Variants in FOXP1 observed in about 807,000 individuals in gnomAD.
The protein encoded by FOXP1 is forkhead box protein P1.
In FOXP1, 15 loss-of-function variants were observed where a neutral mutation model predicts 98.2. That is an observed-to-expected ratio of 0.15 (90% CI 0.10 to 0.24). The LOEUF (loss-of-function observed/expected upper bound fraction) is 0.24, where lower values mean the gene tolerates loss of function less well. FOXP1 is among the 10% of genes least tolerant of loss of function. The pLI, the probability that FOXP1 is intolerant of heterozygous loss-of-function variation, is 1.00. For missense variants in FOXP1, 633 were observed against 848.5 expected, an observed-to-expected ratio of 0.75 and a Z score of 3.15; for synonymous variants, 371 against 314.5, an observed-to-expected ratio of 1.18 and a Z score of -1.90.
intron 5 of FOXP1, among the ~76,000 whole-genome samples, chr3:71,297,818 G>GTTTCACCAGC (rs1207210539): frequency 6.6e-6 from 1 of 151,708 alleles, no homozygotes; most frequent in Non-Finnish European, 1.5e-5. Flanking sequence ...GTTTCACCAG[G>GTTTCACCAGC]TTGGTCTCGA....
chr3:71,032,919 C>T (rs1467467178), intron 11 of FOXP1, among the ~76,000 whole-genome samples: 2 of 152,196 alleles, frequency 1.3e-5, no homozygotes, highest in East Asian at 1.9e-4. Flanking sequence ...TGGTTGGTTT[C>T]AATATCCATC....
chr3:71,558,038 C>T (rs982927238), intron 2 of FOXP1, among the ~76,000 whole-genome samples: 8 of 152,060 alleles, frequency 5.3e-5, no homozygotes, highest in Admixed American at 3.3e-4. Flanking sequence ...GCTGGTGACC[C>T]GCCCACCTAG....
intron 5 of FOXP1, among the ~76,000 whole-genome samples, chr3:71,266,851 C>T (rs533417267): frequency 1.3e-5 from 2 of 152,336 alleles, no homozygotes; most frequent in South Asian, 4.1e-4. Context: ...AGTTATTTCA[C>T]TTACGATAAT....
At chr3:71,275,508 A>G (rs2070792793) in intron 5 of FOXP1, among the ~76,000 whole-genome samples, 2 of 152,126 alleles carry the variant, frequency 1.3e-5, no homozygotes, top group Admixed American at 1.3e-4. Flanking sequence ...CATGCACCCT[A>G]CACCTGGGCT....
At chr3:71,354,777 G>A (rs1023693044) in intron 4 of FOXP1, among the ~76,000 whole-genome samples, 9 of 152,174 alleles carry the variant, frequency 5.9e-5, no homozygotes, top group Admixed American at 3.3e-4. Context: ...TGTTCCAGAC[G>A]TTGTGCAAAG....
At chr3:71,286,318 C>A (rs1431541469) in intron 5 of FOXP1, among the ~76,000 whole-genome samples, 1 of 149,390 alleles carries the variant, frequency 6.7e-6, no homozygotes, top group Non-Finnish European at 1.5e-5. Context: ...GCCACCCCCG[C>A]CCCGCCCGCC....
chr3:71,550,903 C>A (rs982903647), intron 2 of FOXP1, among the ~76,000 whole-genome samples: 5 of 152,230 alleles, frequency 3.3e-5, no homozygotes, highest in Non-Finnish European at 7.3e-5. Context: ...GCACTCTCTG[C>A]GGCTCCTCCT....
rs758942106 is a variant in FOXP1, at chr3:71,013,644, AACTACTTTAAAGT to A, written c.974+1892_974+1904del. ...TGACTTTCTTCACAGAATTGGAAAGAACTACTTTAAAGTTCATATGGAACCAAAAAAGAGCCCA... is the reference window on the plus strand; with the variant it reads ...TGACTTTCTTCACAGAATTGGAAAGATCATATGGAACCAAAAAAGAGCCCA... On this transcript the variant is annotated intron_variant, in intron 12 of 20. Transcript: ENST00000649528. 6.2e-3 allele frequency among the ~76,000 whole-genome samples: 946 copies of A among 152,332 alleles called. 10 individuals are homozygous for A. The highest frequency in any genetic ancestry group is 0.02 in the African/African-American group (824 of 41,564).
At chr3:71,049,918 A>G (rs1559815257) in intron 9 of FOXP1, among the ~76,000 whole-genome samples, 1 of 152,124 alleles carries the variant, frequency 6.6e-6, no homozygotes, top group African/African-American at 2.4e-5. Flanking sequence ...ATCCACTGGC[A>G]CCATGAATCC....
intron 5 of FOXP1, among the ~76,000 whole-genome samples, chr3:71,296,664 G>A (rs2073328108): frequency 6.6e-6 from 1 of 152,030 alleles, no homozygotes; most frequent in Admixed American, 6.6e-5. Context: ...TACTGAAGAT[G>A]ATGTATGATA....
intron 3 of FOXP1, among the ~76,000 whole-genome samples, chr3:71,407,813 T>C (rs1319959576): frequency 1.3e-5 from 2 of 152,162 alleles, no homozygotes; most frequent in African/African-American, 4.8e-5. Context: ...CTAGTGCACT[T>C]GGGTCCTGTT....
rs186020696 is a variant in FOXP1, at chr3:71,211,778, C to T, written c.-11-13386G>A. 7.5e-3 allele frequency among the ~76,000 whole-genome samples: 1,134 copies of T among 152,210 alleles called. 14 individuals are homozygous for T. Among genetic ancestry groups the T allele is most frequent in the African/African-American group, 0.024 (979 of 41,526 alleles). Reference sequence around the variant, plus strand: ...AAGGTTGTGGCATCTTAGTGGACACCGGAGCTAGTTTCCCAAGCCCCATGC... The same window carrying T: ...AAGGTTGTGGCATCTTAGTGGACACTGGAGCTAGTTTCCCAAGCCCCATGC... On this transcript the variant is annotated intron_variant, in intron 5 of 20. Coordinates refer to ENST00000649528, the MANE Select transcript of FOXP1 (RefSeq NM_001349338.3).
At chr3:71,057,982 C>T (rs2107214833) in intron 7 of FOXP1, among the ~76,000 whole-genome samples, 1 of 152,310 alleles carries the variant, frequency 6.6e-6, no homozygotes, top group South Asian at 2.1e-4. Flanking sequence ...TTCAAAATGA[C>T]TCTCTATCAT....
intron 4 of FOXP1, among the ~76,000 whole-genome samples, chr3:71,352,747 C>A (rs554525399): frequency 6.6e-6 from 1 of 152,254 alleles, no homozygotes; most frequent in South Asian, 2.1e-4. Flanking sequence ...GAATGTTTCT[C>A]TTAAAAAACT....
intron 3 of FOXP1, among the ~76,000 whole-genome samples, chr3:71,382,044 G>A (rs2108057792): frequency 6.6e-6 from 1 of 152,286 alleles, no homozygotes; most frequent in Middle Eastern, 3.4e-3. Flanking sequence ...GGCCTAGGCA[G>A]GCGAGTTTCT....
At chr3:71,409,169 T>A (rs2082550062) in intron 3 of FOXP1, among the ~76,000 whole-genome samples, 3 of 152,220 alleles carry the variant, frequency 2.0e-5, no homozygotes, top group Admixed American at 2.0e-4. Flanking sequence ...GGTCTCACTA[T>A]CTTTTTCTTT....
intron 6 of FOXP1, among the ~76,000 whole-genome samples, chr3:71,124,041 G>A (rs1041634740): frequency 1.3e-5 from 2 of 151,870 alleles, no homozygotes; most frequent in Non-Finnish European, 2.9e-5. Flanking sequence ...CGGTACCTGG[G>A]TGTCGGGATA....
chr3:70,976,252 C>T lies in FOXP1; in HGVS notation c.1530+689G>A, dbSNP rs2037497519. Among the ~76,000 whole-genome samples the T allele has an allele frequency of 2.0e-5, 3 of 151,990 alleles. No homozygotes were observed. The South Asian group carries it at 6.2e-4, about 32-fold the overall frequency. On this transcript the variant is annotated intron_variant, in intron 17 of 20. Transcript: ENST00000649528. ...TTTTTTTTGTAGAGACAGGGTCTCGCTACGTTGCCCAGGCTGGTCTCTAAC... is the reference window on the plus strand; with the variant it reads ...TTTTTTTTGTAGAGACAGGGTCTCGTTACGTTGCCCAGGCTGGTCTCTAAC...
intron 7 of FOXP1, among the ~76,000 whole-genome samples, chr3:71,061,646 C>T (rs1318520084): frequency 1.3e-5 from 2 of 152,148 alleles, no homozygotes; most frequent in African/African-American, 2.4e-5. Context: ...CTAACCTTCT[C>T]GATCAACTGT....
Sources: gnomAD v4.1 joint callset for allele counts (sites outside exome capture counted in the v4.1 genomes callset) on GRCh38, gnomAD v4.1.1 for gene constraint, MANE v1.5 for transcripts, NCBI Gene and HGNC (gene_info 2026-07-23, HGNC 2026-07-21) for gene names.